Variants in PACS1 observed in about 807,000 individuals in gnomAD.
PACS1 encodes the protein phosphofurin acidic cluster sorting protein 1, also known as PACS-1.
Under a neutral mutation model 115.0 loss-of-function variants are expected in PACS1, and 24 were observed. The observed-to-expected ratio is 0.21, with a 90% CI of 0.15 to 0.29. The LOEUF is 0.29. PACS1 is among the 10% of genes least tolerant of loss of function. The probability of loss-of-function intolerance (pLI) is 1.00; values close to 1 mark genes in which losing one functional copy is unlikely to be tolerated. For synonymous variants in PACS1, 453 were observed against 504.5 expected, an observed-to-expected ratio of 0.90 and a Z score of 1.37; for missense variants, 838 against 1,251.2, an observed-to-expected ratio of 0.67 and a Z score of 4.98.
At chr11:66,195,713 T>G (rs1854634928) in intron 2 of PACS1, among the ~76,000 whole-genome samples, 1 of 152,320 alleles carries the variant, frequency 6.6e-6, no homozygotes, top group South Asian at 2.1e-4. Context: ...AGTCACTTAT[T>G]TATGCATTCA....
At chr11:66,184,278 A>G (rs911589337) in intron 1 of PACS1, among the ~76,000 whole-genome samples, 1 of 133,688 alleles carries the variant, frequency 7.5e-6, no homozygotes, top group Non-Finnish European at 1.5e-5. Context: ...GCACCACTGC[A>G]CTCCAGTCTG....
At chr11:66,190,730 C>T (rs1367483501) in intron 1 of PACS1, among the ~76,000 whole-genome samples, 1 of 152,156 alleles carries the variant, frequency 6.6e-6, no homozygotes, top group Non-Finnish European at 1.5e-5. Flanking sequence ...TCAGTAGAAC[C>T]AGAGTTCCCT....
intron 1 of PACS1, among the ~76,000 whole-genome samples, chr11:66,074,941 G>GTTTTTTTT (rs71036269): frequency 2.6e-5 from 3 of 114,212 alleles, no homozygotes; most frequent in East Asian, 2.6e-4. Context: ...TTTTTTTGGT[G>GTTTTTTTT]TTTTTTTTTT....
At chr11:66,199,427 A>G (rs552979106) in intron 2 of PACS1, among the ~76,000 whole-genome samples, 11 of 152,188 alleles carry the variant, frequency 7.2e-5, no homozygotes, top group Non-Finnish European at 1.2e-4. Flanking sequence ...CTTACCATTC[A>G]GTTTAAAATA....
intron 1 of PACS1, among the ~76,000 whole-genome samples, chr11:66,102,146 C>T (rs548065873): frequency 1.6e-4 from 25 of 152,096 alleles, no homozygotes; most frequent in African/African-American, 6.0e-4. Flanking sequence ...ACCTAGGCCA[C>T]GTGTAATAAT....
chr11:66,161,092 G>A (rs139438079), intron 1 of PACS1, among the ~76,000 whole-genome samples: 16 of 152,270 alleles, frequency 1.1e-4, no homozygotes, highest in Admixed American at 3.3e-4. Flanking sequence ...AATAGGCGAG[G>A]CAGAGGTAAG....
In PACS1 at chr11:66,201,662, GT is replaced by G. The variant is rs1554988447; in HGVS notation, c.444+8101del. ...ACAAAACAAAATGTTTTGGGTTTTT[GT>G]TTTTTTTTTTTCTGAGACGGAGTTT... On this transcript the variant is annotated intron_variant, in intron 2 of 23. Coordinates refer to ENST00000320580, the MANE Select transcript of PACS1 (RefSeq NM_018026.4). 4.1e-4 allele frequency among the ~76,000 whole-genome samples: 59 copies of G among 145,078 alleles called. 1 individual carries two copies. Among genetic ancestry groups the G allele is most frequent in the African/African-American group, 1.1e-3 (44 of 39,630 alleles).
At chr11:66,105,593 G>GT (rs1213113842) in intron 1 of PACS1, among the ~76,000 whole-genome samples, 9 of 152,258 alleles carry the variant, frequency 5.9e-5, no homozygotes, top group African/African-American at 2.2e-4. Flanking sequence ...ATTTTTGGTG[G>GT]TTTTTCTCTC....
chr11:66,156,736 C>T (rs536594978), intron 1 of PACS1, among the ~76,000 whole-genome samples: 1 of 151,962 alleles, frequency 6.6e-6, no homozygotes, highest in Non-Finnish European at 1.5e-5. Context: ...CACCTATAAT[C>T]CCAGCTACTC....
At chr11:66,182,228 A>C (rs1018091376) in intron 1 of PACS1, among the ~76,000 whole-genome samples, 4 of 152,208 alleles carry the variant, frequency 2.6e-5, no homozygotes, top group Non-Finnish European at 4.4e-5. Flanking sequence ...ATTGGCATTC[A>C]TAACCCAAAG....
intron 2 of PACS1, among the ~76,000 whole-genome samples, chr11:66,204,676 T>C (rs975124168): frequency 6.6e-6 from 1 of 152,056 alleles, no homozygotes; most frequent in East Asian, 1.9e-4. Flanking sequence ...TGGAGGACAT[T>C]ATGTTAAATG....
At chr11:66,095,459 A>G (rs929278335) in intron 1 of PACS1, among the ~76,000 whole-genome samples, 1 of 151,646 alleles carries the variant, frequency 6.6e-6, no homozygotes, top group Non-Finnish European at 1.5e-5. Flanking sequence ...TGCTTCAAAG[A>G]GAATTGTTGT....
chr11:66,130,260 C>T (rs762330656), intron 1 of PACS1, among the ~76,000 whole-genome samples: 2 of 152,084 alleles, frequency 1.3e-5, no homozygotes, highest in Non-Finnish European at 2.9e-5. Context: ...TGTTGGCCTC[C>T]TCCCTCCCTC....
At chr11:66,105,510 T>G (rs932313163) in intron 1 of PACS1, among the ~76,000 whole-genome samples, 1 of 152,168 alleles carries the variant, frequency 6.6e-6, no homozygotes, top group Non-Finnish European at 1.5e-5. Flanking sequence ...GCACACTGCC[T>G]CCCTAAAATA....
intron 22 of PACS1, 124 bp from the exon 23 acceptor site, chr11:66,242,788 G>A: frequency 1.6e-6 from 2 of 1,289,202 alleles, no homozygotes; most frequent in Non-Finnish European, 2.2e-6. Context: ...CAGTGCCAGG[G>A]AGGAGGGGTT....
intron 2 of PACS1, among the ~76,000 whole-genome samples, chr11:66,204,983 T>C (rs1291012521): frequency 6.6e-6 from 1 of 151,970 alleles, no homozygotes; most frequent in Non-Finnish European, 1.5e-5. Context: ...CTCTATTTTT[T>C]AAAAACTTTT....
At chr11:66,125,340 T>C (rs1297846211) in intron 1 of PACS1, among the ~76,000 whole-genome samples, 1 of 152,220 alleles carries the variant, frequency 6.6e-6, no homozygotes, top group Non-Finnish European at 1.5e-5. Context: ...CCAAATCTTA[T>C]TGCAATTAAA....
intron 2 of PACS1, among the ~76,000 whole-genome samples, chr11:66,197,975 T>G (rs1461581435): frequency 6.6e-6 from 1 of 152,248 alleles, no homozygotes; most frequent in African/African-American, 2.4e-5. Context: ...TGTTTTCTAT[T>G]AAGTCATTCA....
intron 1 of PACS1, among the ~76,000 whole-genome samples, chr11:66,103,566 A>T (rs1251179380): frequency 7.2e-6 from 1 of 139,336 alleles, no homozygotes; most frequent in African/African-American, 2.8e-5. Context: ...GCTGGAGTGC[A>T]GTGGCACAAT....
Sources: allele counts gnomAD v4.1 joint callset (sites outside exome capture counted in the v4.1 genomes callset), GRCh38; gene constraint gnomAD v4.1.1; transcripts MANE v1.5; gene names NCBI Gene and HGNC (gene_info 2026-07-23, HGNC 2026-07-21).